FAM20B: variants seen among roughly 807,000 people sequenced by gnomAD.
The protein encoded by FAM20B is FAM20B glycosaminoglycan xylosylkinase, also known as glycosaminoglycan xylosylkinase.
FAM20B carries 23 observed loss-of-function variants against 43.8 expected under a neutral mutation model. The observed-to-expected ratio is 0.53, with a 90% CI of 0.38 to 0.74. FAM20B has a LOEUF of 0.74. FAM20B is among the 30% of genes least tolerant of loss of function. FAM20B has a pLI of 0.00. For synonymous variants in FAM20B, 178 were observed against 192.4 expected (o/e 0.93, Z 0.62); for missense variants, 440 against 510.5 (o/e 0.86, Z 1.33).
At chr1:179,051,815 T>A (rs1651020407) in intron 3 of FAM20B, among the ~76,000 whole-genome samples, 1 of 151,836 alleles carries the variant, frequency 6.6e-6, no homozygotes, top group South Asian at 2.1e-4. Flanking sequence ...CCCAGCTAAT[T>A]TTTTGTATTT....
At chr1:179,066,909 G>C (rs749325789) in intron 7 of FAM20B, 50 bp downstream of exon 7, 109 of 1,328,330 alleles carry the variant, frequency 8.2e-5, no homozygotes, top group Non-Finnish European at 8.1e-5. Context: ...TCTTTTCCAG[G>C]CTCAGGTAAC....
chr1:179,058,223 A>G (rs1651310217), intron 4 of FAM20B, among the ~76,000 whole-genome samples: 2 of 152,250 alleles, frequency 1.3e-5, no homozygotes, highest in Non-Finnish European at 2.9e-5. Context: ...AACTATGATT[A>G]TAAATAGTAT....
At chr1:179,043,031 C>G (rs891195482) in intron 1 of FAM20B, among the ~76,000 whole-genome samples, 1 of 152,210 alleles carries the variant, frequency 6.6e-6, no homozygotes, top group Non-Finnish European at 1.5e-5. Flanking sequence ...TGGGGCTTCA[C>G]TGGGGACCCA....
chr1:179,020,090 A>T, the FAM20B span, among the ~76,000 whole-genome samples: 1 of 151,892 alleles, frequency 6.6e-6, no homozygotes, highest in Non-Finnish European at 1.5e-5. Flanking sequence ...AAACTGTAGG[A>T]CTGAAGACTA....
chr1:179,061,183 A>T (rs1180326916), intron 4 of FAM20B, among the ~76,000 whole-genome samples: 2 of 145,412 alleles, frequency 1.4e-5, no homozygotes, highest in African/African-American at 5.2e-5. Context: ...GATTCCAGTG[A>T]TCCTCTCGCC....
At chr1:179,019,443 G>GTTT in the FAM20B span, among the ~76,000 whole-genome samples, 1 of 144,622 alleles carries the variant, frequency 6.9e-6, no homozygotes, top group African/African-American at 2.6e-5. Context: ...TTTCTTTCTG[G>GTTT]TTTTTTTTTT....
rs1047028233 is a variant in FAM20B at position 179,038,244 on chromosome 1, A to G, written c.-133-5471A>G. ...ACCAACATGGAGAAACCCTGTCTCT[A>G]CTAAAAATGCAAAAGCCTTAGCTGG... On this transcript the variant is annotated intron_variant, in intron 1 of 7. Coordinates refer to ENST00000263733, the MANE Select transcript of FAM20B (RefSeq NM_014864.4). Among the ~76,000 whole-genome samples, 4 of 152,120 alleles carry G rather than the reference A, an allele frequency of 2.6e-5. No homozygotes were observed. The East Asian group carries it at 7.7e-4, about 29-fold the overall frequency.
intron 4 of FAM20B, among the ~76,000 whole-genome samples, chr1:179,061,280 G>T (rs1275457452): frequency 6.6e-6 from 1 of 152,134 alleles, no homozygotes; most frequent in Non-Finnish European, 1.5e-5. Context: ...GTTTCGCCAT[G>T]TTGGCCAGGC....
chr1:179,072,067 A>C lies in FAM20B; in HGVS notation c.1153A>C (p.Thr385Pro), dbSNP rs1472128250. ...VDQRLLSVLA[T>P]VKQCTDQFGM... ...CCAGCGGCTCCTGAGTGTCCTGGCCACCGTGAAGCAGTGCACCGACCAGTT... is the reference window on the plus strand; with the variant it reads ...CCAGCGGCTCCTGAGTGTCCTGGCCCCCGTGAAGCAGTGCACCGACCAGTT... Residue 385 changes from threonine (T) to proline (P), a missense_variant, in exon 8 of 8, where the codon ACC becomes CCC. Thr to Pro is a conservative substitution (Grantham distance 38, BLOSUM62 -1). Coordinates refer to ENST00000263733, the MANE Select transcript of FAM20B (RefSeq NM_014864.4). 1 of 1,614,058 alleles carries C rather than the reference A, an allele frequency of 6.2e-7. No individual in the cohort carries two copies. Among genetic ancestry groups the C allele is most frequent in the African/African-American group, 1.3e-5 (1 of 74,916 alleles).
chr1:179,034,825 T>C (rs921014886), intron 1 of FAM20B, among the ~76,000 whole-genome samples: 52 of 152,204 alleles, frequency 3.4e-4, no homozygotes, highest in African/African-American at 1.2e-3. Flanking sequence ...ACTAAGCATT[T>C]CCTTTGTGGT....
intron 2 of FAM20B, among the ~76,000 whole-genome samples, chr1:179,048,077 A>T (rs1189834436): frequency 6.6e-6 from 1 of 152,184 alleles, no homozygotes; most frequent in African/African-American, 2.4e-5. Flanking sequence ...GCCTTACATT[A>T]TAAGTAAAGG....
intron 4 of FAM20B, among the ~76,000 whole-genome samples, chr1:179,055,371 A>C (rs980916120): frequency 6.6e-6 from 1 of 152,214 alleles, no homozygotes; most frequent in African/African-American, 2.4e-5. Context: ...CTGTTGAAAC[A>C]GACATTGCAA....
chr1:179,023,097 A>T (rs1649633425), upstream of FAM20B, among the ~76,000 whole-genome samples: 1 of 152,244 alleles, frequency 6.6e-6, no homozygotes, highest in African/African-American at 2.4e-5. Flanking sequence ...AATGCCAAGC[A>T]CAGGTGTCCC....
Position 179,072,034 on chromosome 1 carries a change from G to T in FAM20B, c.1120G>T (p.Ala374Ser). 1.2e-6 allele frequency: 2 copies of T among 1,614,132 alleles called. No individual in the cohort carries two copies. The highest frequency in any genetic ancestry group is 1.7e-6 in the Non-Finnish European group (2 of 1,180,018). Reference sequence around the variant, plus strand: ...AGTGCTCTCTGATCCTCATCTGGACGCCGTGGACCAGCGGCTCCTGAGTGT... The same window carrying T: ...AGTGCTCTCTGATCCTCATCTGGACTCCGTGGACCAGCGGCTCCTGAGTGT... Reference protein sequence around the residue: ...SPVLSDPHLDAVDQRLLSVLA... With the variant: ...SPVLSDPHLDSVDQRLLSVLA... Residue 374 changes from alanine (A) to serine (S), a missense_variant, in exon 8 of 8, where the codon GCC (alanine) becomes TCC (serine). Ala to Ser is a moderately conservative substitution (Grantham distance 99). Transcript: ENST00000263733.
At chr1:179,062,109 C>T (rs1651488397) in intron 4 of FAM20B, among the ~76,000 whole-genome samples, 1 of 151,938 alleles carries the variant, frequency 6.6e-6, no homozygotes, top group Non-Finnish European at 1.5e-5. Context: ...CAGGTTTCAG[C>T]GATCCTCCTG....
intron 1 of FAM20B, chr1:179,035,519 C>T (rs978513219): frequency 2.7e-5 from 18 of 675,614 alleles, no homozygotes; most frequent in Non-Finnish European, 4.9e-5. Flanking sequence ...CTGTGGCCTC[C>T]ACTATATTTC....
intron 4 of FAM20B, among the ~76,000 whole-genome samples, chr1:179,062,779 A>T (rs1202930791): frequency 1.3e-5 from 2 of 152,112 alleles, no homozygotes; most frequent in East Asian, 3.9e-4. Context: ...TCTCTTCTCC[A>T]CTGGTGAGAA....
chr1:179,070,559 CTT>C (rs1651880443), intron 7 of FAM20B, among the ~76,000 whole-genome samples: 1 of 102,504 alleles, frequency 9.8e-6, no homozygotes, highest in East Asian at 3.3e-4. Context: ...GAGTCTTGCT[CTT>C]TTGCCCAGGC....
chr1:179,058,792 CAG>C (rs1651334626), intron 4 of FAM20B, among the ~76,000 whole-genome samples: 1 of 151,928 alleles, frequency 6.6e-6, no homozygotes, highest in Non-Finnish European at 1.5e-5. Flanking sequence ...AAAGCAGGGA[CAG>C]GGAATAGAAA....
Sources: allele counts gnomAD v4.1 joint callset (sites outside exome capture counted in the v4.1 genomes callset), GRCh38; gene constraint gnomAD v4.1.1; transcripts MANE v1.5; gene names NCBI Gene and HGNC (gene_info 2026-07-23, HGNC 2026-07-21).